Variants in USP33 observed in about 807,000 individuals in gnomAD.
The protein encoded by USP33 is ubiquitin carboxyl-terminal hydrolase 33.
A neutral mutation model predicts 124.2 loss-of-function variants in USP33; 46 were observed. The observed-to-expected ratio is 0.37, with a 90% confidence interval of 0.29 to 0.47. USP33 has a LOEUF of 0.47. Ranked by LOEUF, USP33 falls within the 20% of genes least tolerant of loss-of-function variation. USP33 has a pLI of 0.99. For missense variants in USP33, 851 were observed against 1,070.6 expected (o/e 0.79, Z 2.86); for synonymous variants, 350 against 352.3 (o/e 0.99, Z 0.07).
At chr1:77,739,566 T>C (rs1678885288) in intron 4 of USP33, 149 bp from the exon 5 acceptor site, 2 of 707,798 alleles carry the variant, frequency 2.8e-6, no homozygotes, top group East Asian at 3.0e-5. Context: ...AAAAATTCTT[T>C]AGATAAACTT....
At position 77,721,650 on chromosome 1, in the gene USP33, A is replaced by G; in HGVS notation, c.1657+181T>C. The stretch of plus-strand genomic sequence containing the variant: ...TACAGGAATTCACATGAATTCCTTC[A>G]GGATGTGATTTTTCTTGTTATATTT... On this transcript the variant is annotated intron_variant, in intron 14 of 23. Coordinates refer to ENST00000370794, the MANE Select transcript of USP33 (RefSeq NM_201624.3). 4 of 567,864 alleles carry G rather than the reference A, an allele frequency of 7.0e-6. No homozygotes were observed. The South Asian group carries it at 9.2e-5, about 13-fold the overall frequency. 35.2% of individuals were successfully genotyped at this position (567,864 alleles called of 1,614,324 possible). A position where few individuals can be genotyped will look rare whatever the true frequency, so the allele number is the denominator to read the frequency against.
At chr1:77,720,582 C>A (rs1327803872) in intron 15 of USP33, 1 of 985,324 alleles carries the variant, frequency 1.0e-6, no homozygotes, top group Non-Finnish European at 1.2e-6. Flanking sequence ...CAAGCCGTTG[C>A]ATTCCTATTA....
Position 77,739,269 on chromosome 1 carries a change from A to C in USP33, c.347T>G (p.Val116Gly). ...RQPHQIQENSVQDFKIPSNTT... is the reference protein window; with the variant it reads ...RQPHQIQENSGQDFKIPSNTT... The stretch of plus-strand genomic sequence containing the variant: ...TAAGTGGATCTAGATTATTACCTGG[A>C]CACTGTTTTCTTGTATTTGGTGAGG... The change falls in exon 5 of 24, where the codon GTC (valine) becomes GGC (glycine). Residue 116 changes from valine (V) to glycine (G), a missense_variant. Transcript: ENST00000370794. 6.2e-7 allele frequency: 1 copy of C among 1,610,864 alleles called. No homozygotes were observed. Among genetic ancestry groups the C allele is most frequent in the South Asian group, 1.1e-5 (1 of 90,212 alleles).
chr1:77,719,118 T>C (rs1358367732), intron 15 of USP33, among the ~76,000 whole-genome samples: 1 of 152,000 alleles, frequency 6.6e-6, no homozygotes, highest in Non-Finnish European at 1.5e-5. Flanking sequence ...CTCAGCACTT[T>C]GGGAGGCCAA....
Position 77,715,815 on chromosome 1 carries a change from A to G in USP33, c.1972T>C (p.Phe658Leu), listed in dbSNP as rs1675813602. ...ACTTCAGTGACACTCTGATCATCAA[A>G]TTCATACCAGAGATTATTTAGATTG... ...RNNLNNLWYE[F>L]DDQSVTEVSE... The change falls in exon 18 of 24, where the codon TTT becomes CTT. Residue 658 changes from phenylalanine (F) to leucine (L), a missense_variant. This residue lies in a region of USP33 where 281 missense variants were observed against 425.0 expected (regional missense o/e 0.66). Transcript: ENST00000370794. 1.9e-6 allele frequency: 3 copies of G among 1,614,008 alleles called. No homozygotes were observed. Among genetic ancestry groups the G allele is most frequent in the Non-Finnish European group, 1.7e-6 (2 of 1,179,932 alleles).
chr1:77,711,277 C>T (rs572402400), intron 21 of USP33, among the ~76,000 whole-genome samples: 1 of 151,992 alleles, frequency 6.6e-6, no homozygotes, highest in African/African-American at 2.4e-5. Context: ...CCTATAATCC[C>T]AGTACTTTGT....
At chr1:77,724,675 T>C (rs982549843) in intron 11 of USP33, among the ~76,000 whole-genome samples, 5 of 152,122 alleles carry the variant, frequency 3.3e-5, no homozygotes, top group African/African-American at 1.2e-4. Context: ...ATACATAAAT[T>C]TTAGAGCAAC....
At chr1:77,728,029 A>G (rs1459334120) in intron 10 of USP33, among the ~76,000 whole-genome samples, 1 of 152,170 alleles carries the variant, frequency 6.6e-6, no homozygotes, top group East Asian at 1.9e-4. Context: ...AATTCTGGGG[A>G]GCCCAATTTT....
intron 3 of USP33, 63 bp from the exon 4 acceptor site, chr1:77,741,002 A>T: frequency 9.1e-7 from 1 of 1,095,554 alleles, no homozygotes. Flanking sequence ...AATTTATAAC[A>T]GCATTACAAT....
intron 10 of USP33, among the ~76,000 whole-genome samples, 178 bp from the exon 11 acceptor site, chr1:77,725,940 C>T (rs1218742073): frequency 6.6e-6 from 1 of 152,042 alleles, no homozygotes; most frequent in African/African-American, 2.4e-5. Context: ...CCCAGAAATC[C>T]AACTAATTTT....
At chr1:77,720,166 A>G (rs6660964) in intron 15 of USP33, among the ~76,000 whole-genome samples, 2,522 of 27,500 alleles carry the variant, frequency 0.092, 10 homozygotes, top group Middle Eastern at 0.19. Flanking sequence ...GTCTCAAATG[A>G]AAAAAAAAAA....
chr1:77,745,851 A>G (rs952058665), intron 1 of USP33, among the ~76,000 whole-genome samples: 60 of 151,870 alleles, frequency 4.0e-4, no homozygotes, highest in African/African-American at 1.4e-3. Context: ...AAGACACAAC[A>G]TACCAGAATC....
In USP33 at chr1:77,715,095, T is replaced by TA. The variant is rs201047695; in HGVS notation, c.2046-313dup. Reference sequence around the variant, plus strand: ...GCTAGCATCTTCTTTTATAAGATGCTAAAAAAAAACAAATATTTTTATAGT... The same window carrying TA: ...GCTAGCATCTTCTTTTATAAGATGCTAAAAAAAAAACAAATATTTTTATAGT... On this transcript the variant is annotated intron_variant, in intron 18 of 23. Transcript: ENST00000370794. Among the ~76,000 whole-genome samples, 588 of 151,114 alleles carry TA rather than the reference T, an allele frequency of 3.9e-3. 4 individuals are homozygous for TA. The highest frequency in any genetic ancestry group is 6.8e-3 in the Middle Eastern group (2 of 292).
intron 5 of USP33, 59 bp downstream of exon 5, chr1:77,739,206 A>T: frequency 1.3e-6 from 2 of 1,545,320 alleles, no homozygotes; most frequent in South Asian, 2.5e-5. Context: ...CTACATGACA[A>T]ATTCTGAAAT....
chr1:77,739,868 T>C (rs2101545131), intron 4 of USP33, among the ~76,000 whole-genome samples: 1 of 152,338 alleles, frequency 6.6e-6, no homozygotes, highest in East Asian at 1.9e-4. Context: ...ACCAGAGTTC[T>C]GCTACAGAAT....
chr1:77,757,564 A>C (rs898069417), intron 1 of USP33, among the ~76,000 whole-genome samples: 1 of 152,214 alleles, frequency 6.6e-6, no homozygotes, highest in Admixed American at 6.5e-5. Flanking sequence ...AAACTACACT[A>C]AATAGAGCTG....
intron 21 of USP33, among the ~76,000 whole-genome samples, chr1:77,707,387 G>C (rs759069888): frequency 2.6e-5 from 4 of 152,040 alleles, no homozygotes; most frequent in Non-Finnish European, 5.9e-5. Flanking sequence ...TCTTCTCTGC[G>C]TATCTCTCTG....
At chr1:77,733,030 T>A (rs1678017468) in intron 7 of USP33, among the ~76,000 whole-genome samples, 1 of 151,688 alleles carries the variant, frequency 6.6e-6, no homozygotes, top group Admixed American at 6.6e-5. Context: ...CCTGACCTCA[T>A]GATCCACCCG....
chr1:77,719,034 TAATC>T (rs916038295), intron 15 of USP33, among the ~76,000 whole-genome samples: 21 of 152,142 alleles, frequency 1.4e-4, no homozygotes, highest in Non-Finnish European at 2.8e-4. Flanking sequence ...TTAAATATCT[TAATC>T]AAAACACTGG....
Sources: allele counts gnomAD v4.1 joint callset (sites outside exome capture counted in the v4.1 genomes callset), GRCh38; gene constraint gnomAD v4.1.1; regional missense constraint gnomAD v4.1.1; transcripts MANE v1.5; gene names NCBI Gene and HGNC (gene_info 2026-07-23, HGNC 2026-07-21).